Variants in FAT1 observed in about 807,000 individuals in gnomAD.
FAT1 encodes the protein FAT atypical cadherin 1.
A neutral mutation model predicts 329.8 loss-of-function variants in FAT1; 171 were observed. That is an observed-to-expected ratio of 0.52 (90% CI 0.46 to 0.59). The LOEUF is 0.59. Ranked by LOEUF, FAT1 falls within the 20% of genes least tolerant of loss-of-function variation. FAT1 has a pLI of 0.00. For missense variants in FAT1, 5,672 were observed against 5,774.4 expected, an observed-to-expected ratio of 0.98 and a Z score of 0.57; for synonymous variants, 2,233 against 2,228.6, an observed-to-expected ratio of 1.00 and a Z score of -0.06.
chr4:186,665,919 A>G (rs1158954523), intron 2 of FAT1, among the ~76,000 whole-genome samples: 2 of 151,848 alleles, frequency 1.3e-5, no homozygotes, highest in Non-Finnish European at 2.9e-5. Flanking sequence ...CATCGTTCTC[A>G]GCAAACTATC....
rs1739948761 is a variant in FAT1, at chr4:186,619,963, C to A, written c.6623G>T (p.Ser2208Ile). The change falls in exon 10 of 27, where the codon AGC becomes ATC. Residue 2208 changes from serine to isoleucine, a missense_variant. Around this residue, in one of 2 missense-constraint regions of FAT1, gnomAD observed 3,966 missense variants for 3,915.2 expected, o/e 1.01. Coordinates refer to ENST00000441802, the MANE Select transcript of FAT1 (RefSeq NM_005245.4). ...GTAGAACACTTTCAGGCCTTCCGGG[C>A]TGTTAGCCTGCACGTGGACCACAGG... ...HSPVVHVQANSPEGLKVFYSI... is the reference protein window; with the variant it reads ...HSPVVHVQANIPEGLKVFYSI... 1 of 1,613,972 alleles carries A rather than the reference C, an allele frequency of 6.2e-7. No homozygotes were observed. Among genetic ancestry groups the A allele is most frequent in the Non-Finnish European group, 8.5e-7 (1 of 1,179,880 alleles).
intron 6 of FAT1, among the ~76,000 whole-genome samples, chr4:186,635,781 T>C (rs1740791197): frequency 1.3e-5 from 2 of 152,252 alleles, no homozygotes; most frequent in Non-Finnish European, 2.9e-5. Context: ...GACAAACTTT[T>C]ACAAAATTTT....
At chr4:186,597,261 T>G in intron 24 of FAT1, 90 bp from the exon 25 acceptor site, 1 of 1,325,806 alleles carries the variant, frequency 7.5e-7, no homozygotes. Flanking sequence ...GACTAATCCC[T>G]CCTTGATGAG....
At chr4:186,718,079 G>T (rs1422735571) in intron 1 of FAT1, among the ~76,000 whole-genome samples, 1 of 152,150 alleles carries the variant, frequency 6.6e-6, no homozygotes, top group Non-Finnish European at 1.5e-5. Context: ...GTTGAATTGG[G>T]CTCCCTGTAT....
chr4:186,609,921 G>A lies in FAT1; in HGVS notation c.9948C>T (p.Ser3316=), dbSNP rs556166660. 79 of 1,612,062 alleles carry A rather than the reference G, an allele frequency of 4.9e-5. No individual in the cohort carries two copies. The highest frequency in any genetic ancestry group is 6.7e-5 in the African/African-American group (5 of 74,866). ...EATDGGTPSL[S]DVATVNVNVT... is the part of the protein sequence containing the mutation. ...CATTAACGTTCACAGTGGCAACGTCGCTCAGTGAAGGCGTGCCTCCATCAG... is the reference window on the plus strand; with the variant it reads ...CATTAACGTTCACAGTGGCAACGTCACTCAGTGAAGGCGTGCCTCCATCAG... Residue 3316 remains serine, a synonymous_variant, in exon 15 of 27, where the codon AGC becomes AGT. Transcript: ENST00000441802.
intron 3 of FAT1, among the ~76,000 whole-genome samples, chr4:186,645,393 ATATATATATATATATATATATATATATAT>A (rs1560962377): frequency 0.017 from 1,819 of 106,060 alleles, 137 homozygotes; most frequent in East Asian, 0.16. Flanking sequence ...ATATATATAT[ATATATATATATATATATATATATATATAT>A]GCCTGTAAAA....
chr4:186,639,646 T>G, intron 4 of FAT1, 76 bp downstream of exon 4: 1 of 987,580 alleles, frequency 1.0e-6, no homozygotes, highest in Non-Finnish European at 1.6e-6. Context: ...TACTGGTTAA[T>G]GGGAACAAGA....
rs1414238567 is a variant in FAT1 at position 186,609,231 on chromosome 4, G to C, written c.10158C>G (p.Asp3386Glu). 1 of 1,613,996 alleles carries C rather than the reference G, an allele frequency of 6.2e-7. No homozygotes were observed. The highest frequency in any genetic ancestry group is 8.5e-7 in the Non-Finnish European group (1 of 1,179,890). ...DGNQGSSFTIDPVRGEVKVTK... is the reference protein window; with the variant it reads ...DGNQGSSFTIEPVRGEVKVTK... ...TCACTTTGACTTCTCCCCTGACGGGGTCAATTGTGAACGAGCTTCCTTGGT... is the reference window on the plus strand; with the variant it reads ...TCACTTTGACTTCTCCCCTGACGGGCTCAATTGTGAACGAGCTTCCTTGGT... Residue 3386 changes from aspartate to glutamate, a missense_variant, in exon 16 of 27, where the codon GAC (aspartate) becomes GAG (glutamate). Physicochemically the swap from Asp to Glu is conservative, Grantham distance 45. Around this residue, in one of 2 missense-constraint regions of FAT1, gnomAD observed 1,706 missense variants for 1,859.1 expected, o/e 0.92. Transcript: ENST00000441802.
chr4:186,646,333 T>C (rs763637523), intron 3 of FAT1, among the ~76,000 whole-genome samples: 2 of 152,258 alleles, frequency 1.3e-5, no homozygotes, highest in Non-Finnish European at 2.9e-5. Context: ...GCAATGATTT[T>C]GGCCTTTCCG....
chr4:186,668,574 C>T (rs960962277), intron 2 of FAT1, among the ~76,000 whole-genome samples: 1 of 152,260 alleles, frequency 6.6e-6, no homozygotes. Flanking sequence ...TAAGGGAGTC[C>T]TGGTTTCTGC....
intron 3 of FAT1, among the ~76,000 whole-genome samples, chr4:186,641,385 A>G (rs1197248228): frequency 6.6e-6 from 1 of 152,226 alleles, no homozygotes; most frequent in Non-Finnish European, 1.5e-5. Context: ...AAACCTTTTA[A>G]GTTAATCTCT....
chr4:186,652,055 C>G (rs1182049699), intron 3 of FAT1, among the ~76,000 whole-genome samples: 2 of 152,172 alleles, frequency 1.3e-5, no homozygotes, highest in African/African-American at 4.8e-5. Context: ...TAAAATGGAT[C>G]AAACGACTAG....
intron 1 of FAT1, among the ~76,000 whole-genome samples, chr4:186,714,226 G>A (rs903381641): frequency 5.3e-5 from 8 of 151,684 alleles, no homozygotes; most frequent in African/African-American, 1.5e-4. Context: ...GGGGCACAAC[G>A]GGGGTGGGGG....
At chr4:186,700,957 T>G (rs1744279123) in intron 2 of FAT1, among the ~76,000 whole-genome samples, 1 of 152,070 alleles carries the variant, frequency 6.6e-6, no homozygotes, top group Non-Finnish European at 1.5e-5. Flanking sequence ...CACCTCCAGG[T>G]CCCGGCCCCT....
At chr4:186,701,670 G>A (rs996038745) in intron 2 of FAT1, among the ~76,000 whole-genome samples, 23 of 152,286 alleles carry the variant, frequency 1.5e-4, no homozygotes, top group African/African-American at 4.3e-4. Context: ...TCCGGGGCCC[G>A]TCAGCCTCCT....
intron 3 of FAT1, among the ~76,000 whole-genome samples, chr4:186,639,999 T>C (rs1741021511): frequency 6.6e-6 from 1 of 152,096 alleles, no homozygotes; most frequent in South Asian, 2.1e-4. Context: ...CCAGGCATGG[T>C]GGCGCGTGAC....
Position 186,708,918 on chromosome 4 carries a change from T to TA in FAT1, c.909dup (p.Arg304Ter). 6.2e-7 allele frequency: 1 copy of TA among 1,614,008 alleles called. No homozygotes were observed. The highest frequency in any genetic ancestry group is 8.5e-7 in the Non-Finnish European group (1 of 1,179,878). Reference sequence around the variant, plus strand: ...CTCCCTGGAAAGGACCTCACTGTTCTAAACTGCTGGAGAAGGTCACCTGCC... The same window carrying TA: ...CTCCCTGGAAAGGACCTCACTGTTCTAAAACTGCTGGAGAAGGTCACCTGCC... On this transcript the variant is annotated frameshift_variant, in exon 2 of 27. Coordinates refer to ENST00000441802, the MANE Select transcript of FAT1 (RefSeq NM_005245.4). LOFTEE classifies it high-confidence loss of function.
chr4:186,636,839 C>A lies in FAT1; in HGVS notation c.3718G>T (p.Asp1240Tyr). 1 of 1,613,896 alleles carries A rather than the reference C, an allele frequency of 6.2e-7. No individual in the cohort carries two copies. ...RVIVKILDENDNKPQFLQKFY... is the reference protein window; with the variant it reads ...RVIVKILDENYNKPQFLQKFY... ...TTTTGCAGAAACTGAGGTTTGTTGTCATTTTCATCAAGGATTTTCACAATG... is the reference window on the plus strand; with the variant it reads ...TTTTGCAGAAACTGAGGTTTGTTGTAATTTTCATCAAGGATTTTCACAATG... The change falls in exon 5 of 27, where the codon GAC becomes TAC. Residue 1240 changes from aspartate to tyrosine, a missense_variant. By Grantham distance (160) the Asp-to-Tyr change is radical. Around this residue, in one of 2 missense-constraint regions of FAT1, gnomAD observed 3,966 missense variants for 3,915.2 expected, o/e 1.01. Coordinates refer to ENST00000441802, the MANE Select transcript of FAT1 (RefSeq NM_005245.4).
In FAT1 at chr4:186,597,123, C is replaced by T. The variant is rs1432933590; in HGVS notation, c.12417G>A (p.Gly4139=). The change falls in exon 25 of 27, where the codon GGG becomes GGA. Residue 4139 remains glycine (G), a synonymous_variant. Coordinates refer to ENST00000441802, the MANE Select transcript of FAT1 (RefSeq NM_005245.4). ...DECSGNPCLH[G]ALCENTHGSY... ...AGCCGTGCGTGTTCTCACAGAGGGC[C>T]CCGTGCAGGCAAGGGTTTCCAGAGC... 1 of 1,613,730 alleles carries T rather than the reference C, an allele frequency of 6.2e-7. No homozygotes were observed. The highest frequency in any genetic ancestry group is 1.7e-5 in the Admixed American group (1 of 60,008).
Sources: gnomAD v4.1 joint callset for allele counts (sites outside exome capture counted in the v4.1 genomes callset) on GRCh38, gnomAD v4.1.1 for gene constraint, gnomAD v4.1.1 regional missense constraint, MANE v1.5 for transcripts, NCBI Gene and HGNC (gene_info 2026-07-23, HGNC 2026-07-21) for gene names.